LMX1A: variants seen among roughly 807,000 people sequenced by gnomAD.
LMX1A encodes the protein LIM homeobox transcription factor 1-alpha.
LMX1A carries 15 observed loss-of-function variants against 49.1 expected under a neutral mutation model. The ratio of observed to expected loss-of-function variants is 0.31; its 90% CI spans 0.20 to 0.47. The LOEUF is 0.47. Among genes scored for constraint, LMX1A ranks in the 20% least tolerant of loss-of-function variants. The pLI is 1.00. For missense variants in LMX1A, 372 were observed against 475.8 expected, an observed-to-expected ratio of 0.78 and a Z score of 2.03; for synonymous variants, 167 against 185.7, an observed-to-expected ratio of 0.90 and a Z score of 0.82.
At chr1:165,331,328 A>G (rs1655736262) in intron 3 of LMX1A, among the ~76,000 whole-genome samples, 1 of 152,258 alleles carries the variant, frequency 6.6e-6, no homozygotes, top group African/African-American at 2.4e-5. Context: ...ATACTGTCCA[A>G]TACAACTTTC....
chr1:165,322,802 A>C (rs1655460973), intron 3 of LMX1A, among the ~76,000 whole-genome samples: 1 of 152,186 alleles, frequency 6.6e-6, no homozygotes, highest in South Asian at 2.1e-4. Context: ...TTACAATTTT[A>C]TATGACTTTT....
At chr1:165,224,661 G>A (rs2102615211) in intron 4 of LMX1A, among the ~76,000 whole-genome samples, 1 of 152,292 alleles carries the variant, frequency 6.6e-6, no homozygotes, top group East Asian at 1.9e-4. Flanking sequence ...ATTAGCTGTT[G>A]AATAGCTTGT....
chr1:165,208,986 G>C (rs1651240981), intron 6 of LMX1A, among the ~76,000 whole-genome samples: 1 of 152,170 alleles, frequency 6.6e-6, no homozygotes, highest in Non-Finnish European at 1.5e-5. Context: ...CTCAAACTGT[G>C]TTCCATAGAG....
At chr1:165,266,703 G>A (rs1019699592) in intron 3 of LMX1A, among the ~76,000 whole-genome samples, 5 of 136,692 alleles carry the variant, frequency 3.7e-5, no homozygotes, top group African/African-American at 5.4e-5. Flanking sequence ...CCGGGTTCAC[G>A]CCATTCTCCT....
chr1:165,348,437 G>C lies in LMX1A; in HGVS notation c.263+4639C>G, dbSNP rs919303792. Among the ~76,000 whole-genome samples, 77 of 152,188 alleles carry C rather than the reference G, an allele frequency of 5.1e-4. 1 individual carries two copies. The highest frequency in any genetic ancestry group is 1.8e-3 in the African/African-American group (76 of 41,436). ...AAAATTAAAAAGAGAGAAAAAGAGA[G>C]AGAGATTAAGTGCCTGCACAAACAC... On this transcript the variant is annotated intron_variant, in intron 3 of 8. Transcript: ENST00000342310.
intron 3 of LMX1A, among the ~76,000 whole-genome samples, chr1:165,294,537 G>T (rs1296092602): frequency 6.6e-6 from 1 of 152,194 alleles, no homozygotes; most frequent in South Asian, 2.1e-4. Flanking sequence ...AAAACATACA[G>T]ATCATTTAAA....
At chr1:165,281,026 A>G (rs1236559020) in intron 3 of LMX1A, among the ~76,000 whole-genome samples, 1 of 152,198 alleles carries the variant, frequency 6.6e-6, no homozygotes, top group Admixed American at 6.5e-5. Flanking sequence ...ATCCCACCCC[A>G]GAACATGGAG....
chr1:165,294,908 G>A (rs561420474), intron 3 of LMX1A, among the ~76,000 whole-genome samples: 1 of 152,240 alleles, frequency 6.6e-6, no homozygotes, highest in South Asian at 2.1e-4. Flanking sequence ...AGGTTGCAAT[G>A]AGCCGAGATC....
At chr1:165,226,336 C>G (rs1468474151) in intron 4 of LMX1A, among the ~76,000 whole-genome samples, 2 of 152,212 alleles carry the variant, frequency 1.3e-5, no homozygotes, top group Non-Finnish European at 2.9e-5. Context: ...TCCCCATCAT[C>G]TATTCCTGGA....
chr1:165,293,974 T>C (rs537986940), intron 3 of LMX1A, among the ~76,000 whole-genome samples: 2 of 152,256 alleles, frequency 1.3e-5, no homozygotes, highest in Non-Finnish European at 2.9e-5. Flanking sequence ...AAGTACCATA[T>C]AAGAGTTTTC....
intron 4 of LMX1A, among the ~76,000 whole-genome samples, chr1:165,226,021 C>CTTT (rs5778432): frequency 6.6e-6 from 1 of 150,578 alleles, no homozygotes; most frequent in African/African-American, 2.4e-5. Flanking sequence ...AGAATGGAAA[C>CTTT]TTTTTTTTTT....
chr1:165,283,187 C>A (rs79151609), intron 3 of LMX1A, among the ~76,000 whole-genome samples: 6,180 of 152,254 alleles, frequency 0.041, 176 homozygotes, highest in East Asian at 0.1. Context: ...CTTAGATACA[C>A]AAATACCATG....
chr1:165,302,844 G>C (rs1654817741), intron 3 of LMX1A, among the ~76,000 whole-genome samples: 1 of 152,172 alleles, frequency 6.6e-6, no homozygotes, highest in African/African-American at 2.4e-5. Context: ...TGCTAGAAAT[G>C]TAGCCTCCTG....
intron 4 of LMX1A, among the ~76,000 whole-genome samples, chr1:165,217,754 C>T (rs574369288): frequency 6.6e-6 from 1 of 152,312 alleles, no homozygotes; most frequent in African/African-American, 2.4e-5. Context: ...CAGTTCAAAT[C>T]CATGTTGCTC....
At chr1:165,218,607 C>G (rs1651724186) in intron 4 of LMX1A, 1 of 152,262 alleles carries the variant, frequency 6.6e-6, no homozygotes, top group African/African-American at 2.4e-5. Flanking sequence ...GGCAGACCTG[C>G]CTGACTTGGA....
intron 4 of LMX1A, among the ~76,000 whole-genome samples, chr1:165,223,052 C>T (rs1286316082): frequency 6.6e-6 from 1 of 151,804 alleles, no homozygotes; most frequent in Non-Finnish European, 1.5e-5. Context: ...ATAAAAAATG[C>T]TCTAAAATTG....
At chr1:165,234,859 T>A (rs1298163377) in intron 4 of LMX1A, among the ~76,000 whole-genome samples, 1 of 152,192 alleles carries the variant, frequency 6.6e-6, no homozygotes, top group East Asian at 1.9e-4. Context: ...TCTTTCATGG[T>A]ATAGAGAGTA....
In LMX1A at chr1:165,213,611, G is replaced by C. The variant is rs563700679; in HGVS notation, c.669+30C>G. 1.1e-4 allele frequency: 179 copies of C among 1,597,010 alleles called. 2 individuals carry two copies. The South Asian group carries it at 1.9e-3, about 17-fold the overall frequency. ...AGTGCACACAGAGAAGTGGGGCCCA[G>C]CTCCTTTTCCTCCCTGCTCCCTCCT... On this transcript the variant is annotated intron_variant, in intron 5 of 8. Coordinates refer to ENST00000342310, the MANE Select transcript of LMX1A (RefSeq NM_177398.4).
At chr1:165,248,214 G>A (rs1367445793) in intron 4 of LMX1A, among the ~76,000 whole-genome samples, 3 of 152,132 alleles carry the variant, frequency 2.0e-5, no homozygotes, top group African/African-American at 7.2e-5. Context: ...GAAAGAGGCT[G>A]AAAAGGAATA....
Sources: gnomAD v4.1 joint callset for allele counts (sites outside exome capture counted in the v4.1 genomes callset) on GRCh38, gnomAD v4.1.1 for gene constraint, MANE v1.5 for transcripts, NCBI Gene and HGNC (gene_info 2026-07-23, HGNC 2026-07-21) for gene names.